The following DNAAF9 variants were observed in gnomAD, a reference collection of about 807,000 sequenced individuals.
DNAAF9 encodes the protein shulin.
A neutral mutation model predicts 167.0 loss-of-function variants in DNAAF9; 90 were observed. The observed-to-expected ratio is 0.54, with a 90% CI of 0.45 to 0.64. DNAAF9 has a LOEUF of 0.64. Among genes scored for constraint, DNAAF9 ranks in the 30% least tolerant of loss-of-function variants. DNAAF9 has a pLI of 0.00. For missense variants in DNAAF9, 1,315 were observed against 1,442.2 expected, an observed-to-expected ratio of 0.91 and a Z score of 1.43; for synonymous variants, 491 against 508.8, an observed-to-expected ratio of 0.96 and a Z score of 0.47.
In DNAAF9 at chr20:3,287,776, C is replaced by A. The variant is rs779904443; in HGVS notation, c.2342G>T (p.Arg781Leu). 6.2e-7 allele frequency: 1 copy of A among 1,614,012 alleles called. No individual in the cohort carries two copies. The highest frequency in any genetic ancestry group is 8.5e-7 in the Non-Finnish European group (1 of 1,179,986). ...ACATTCAGAGCTGTCCATGATTTGG[C>A]GATACACCATCCATCTGGAAAGGTA... ...HKECGRWMVY[R>L]QIMDSSECFH... The change falls in exon 27 of 37, where the codon CGC becomes CTC. Residue 781 changes from arginine to leucine, a missense_variant. Around this residue, in one of 2 missense-constraint regions of DNAAF9, gnomAD observed 981 missense variants for 1,012.5 expected, o/e 0.97. Coordinates refer to ENST00000252032, the MANE Select transcript of DNAAF9 (RefSeq NM_001009984.3).
At chr20:3,339,404 C>A (rs1440484748) in intron 10 of DNAAF9, among the ~76,000 whole-genome samples, 1 of 152,138 alleles carries the variant, frequency 6.6e-6, no homozygotes, top group Non-Finnish European at 1.5e-5. Flanking sequence ...AAGAAACAGA[C>A]TTTTAATGTG....
intron 11 of DNAAF9, among the ~76,000 whole-genome samples, chr20:3,330,923 C>T (rs2069816569): frequency 6.6e-6 from 1 of 151,798 alleles, no homozygotes; most frequent in South Asian, 2.1e-4. Flanking sequence ...TCCTGAGTAG[C>T]TGGGATTACA....
At position 3,281,633 on chromosome 20, in the gene DNAAF9, G is replaced by T. The variant is rs1217600590; in HGVS notation, c.2612+8C>A. The T allele has an allele frequency of 1.9e-6, 3 of 1,603,016 alleles. No individual in the cohort carries two copies. Among genetic ancestry groups the T allele is most frequent in the African/African-American group, 2.7e-5 (2 of 74,426 alleles). Reference sequence around the variant, plus strand: ...TCAGTACACTTACACACCATATCCTGTATCTACCTGTGCTCCATGTAGCAG... The same window carrying T: ...TCAGTACACTTACACACCATATCCTTTATCTACCTGTGCTCCATGTAGCAG... On this transcript the variant is annotated splice_region_variant and intron_variant, in intron 28 of 36. Transcript: ENST00000252032.
At chr20:3,397,230 A>G (rs2123294085) in intron 1 of DNAAF9, among the ~76,000 whole-genome samples, 1 of 149,808 alleles carries the variant, frequency 6.7e-6, no homozygotes, top group Admixed American at 6.7e-5. Flanking sequence ...CTGGGTGACA[A>G]GAGTGAGACC....
chr20:3,371,536 G>A (rs557265165), intron 6 of DNAAF9, among the ~76,000 whole-genome samples: 1 of 151,698 alleles, frequency 6.6e-6, no homozygotes, highest in South Asian at 2.1e-4. Flanking sequence ...GTAGAGACGG[G>A]GTTTCACCGT....
chr20:3,330,525 G>A (rs1007039268), intron 12 of DNAAF9, 121 bp downstream of exon 12: 68 of 679,218 alleles, frequency 1.0e-4, no homozygotes, highest in Middle Eastern at 4.8e-4. Flanking sequence ...TACAGTGTGC[G>A]CCACCACACC....
rs1223721464 is a variant in DNAAF9, at chr20:3,407,643, C to CGGGCGGGGCGGCA, written c.-99_-87dup. 9.0e-7 allele frequency: 1 copy of CGGGCGGGGCGGCA among 1,110,900 alleles called. No individual in the cohort carries two copies. The highest frequency in any genetic ancestry group is 1.7e-5 in the African/African-American group (1 of 58,066). 68.8% of individuals were successfully genotyped at this position (1,110,900 alleles called of 1,614,324 possible). On this transcript the variant is annotated 5_prime_UTR_variant, in exon 1 of 37. Transcript: ENST00000252032. ...AGGGCGGCTCCACGCTAGCTGCGGC[C>CGGGCGGGGCGGCA]GGGCGGGGCGGCAGGGCGTGCCGGG... is the stretch of plus-strand genomic sequence containing the variant.
intron 1 of DNAAF9, among the ~76,000 whole-genome samples, chr20:3,389,443 C>T (rs1184152843): frequency 6.6e-6 from 1 of 151,700 alleles, no homozygotes; most frequent in Non-Finnish European, 1.5e-5. Flanking sequence ...AGTCACTGCA[C>T]CTGGCCAATT....
chr20:3,392,213 G>A (rs2083836573), intron 1 of DNAAF9, among the ~76,000 whole-genome samples: 1 of 152,104 alleles, frequency 6.6e-6, no homozygotes, highest in Non-Finnish European at 1.5e-5. Context: ...ACCATACCCA[G>A]CAATGACACT....
intron 20 of DNAAF9, among the ~76,000 whole-genome samples, chr20:3,311,880 T>C (rs999044962): frequency 1.3e-5 from 2 of 152,162 alleles, no homozygotes; most frequent in African/African-American, 4.8e-5. Flanking sequence ...AATGGGAAGT[T>C]GAAAAGCAAG....
At chr20:3,362,908 T>C (rs1463650950) in intron 6 of DNAAF9, among the ~76,000 whole-genome samples, 1 of 152,158 alleles carries the variant, frequency 6.6e-6, no homozygotes, top group Non-Finnish European at 1.5e-5. Context: ...CCTTGTTTGA[T>C]GGAACACATT....
rs1393679332 is a variant in DNAAF9, at chr20:3,368,687, AT to A, written c.612+5360del. On this transcript the variant is annotated intron_variant, in intron 6 of 36. Transcript: ENST00000252032. The stretch of plus-strand genomic sequence containing the variant: ...GCCACCAAGCCCGGCTAATTTTTGT[AT>A]TTTTTTTTTTAAGTAGAGACAGGGT... 4.5e-3 allele frequency among the ~76,000 whole-genome samples: 646 copies of A among 143,748 alleles called. 3 individuals carry two copies. Among genetic ancestry groups the A allele is most frequent in the African/African-American group, 0.014 (571 of 39,442 alleles). 94.3% of individuals were successfully genotyped at this position (143,748 alleles called of 152,430 possible).
intron 1 of DNAAF9, among the ~76,000 whole-genome samples, chr20:3,387,149 T>C (rs995346791): frequency 1.1e-4 from 17 of 152,198 alleles, no homozygotes; most frequent in Admixed American, 1.1e-3. Context: ...TTTACAGAAG[T>C]AGAAAAATCC....
chr20:3,275,606 G>A (rs185394919), intron 29 of DNAAF9, among the ~76,000 whole-genome samples: 1 of 152,338 alleles, frequency 6.6e-6, no homozygotes, highest in Admixed American at 6.5e-5. Flanking sequence ...GCATTCCTTA[G>A]GCCAGCTATG....
chr20:3,260,166 C>G, intron 31 of DNAAF9, 138 bp from the exon 32 acceptor site: 2 of 498,132 alleles, frequency 4.0e-6, no homozygotes, highest in South Asian at 4.4e-5. Context: ...GGTGAAACCC[C>G]GTCTCTACTA....
At chr20:3,356,564 C>T (rs1192127341) in intron 7 of DNAAF9, among the ~76,000 whole-genome samples, 1 of 152,080 alleles carries the variant, frequency 6.6e-6, no homozygotes, top group Non-Finnish European at 1.5e-5. Context: ...CCTATCATTG[C>T]CCTCTTTTCT....
chr20:3,359,056 A>G (rs1368276146), intron 7 of DNAAF9, among the ~76,000 whole-genome samples: 2 of 152,228 alleles, frequency 1.3e-5, no homozygotes. Context: ...ATTGTTAAGT[A>G]GTTGCCACTG....
At chr20:3,305,033 T>A (rs1488472805) in intron 20 of DNAAF9, among the ~76,000 whole-genome samples, 1 of 151,980 alleles carries the variant, frequency 6.6e-6, no homozygotes, top group African/African-American at 2.4e-5. Context: ...AACAGAACAT[T>A]TGAGTTAGGT....
chr20:3,265,052 G>A (rs1041898814), intron 30 of DNAAF9, among the ~76,000 whole-genome samples: 1 of 152,076 alleles, frequency 6.6e-6, no homozygotes, highest in African/African-American at 2.4e-5. Context: ...ACGATATCAT[G>A]ATCACATCCA....
Sources: allele counts gnomAD v4.1 joint callset (sites outside exome capture counted in the v4.1 genomes callset), GRCh38; gene constraint gnomAD v4.1.1; regional missense constraint gnomAD v4.1.1; transcripts MANE v1.5; gene names NCBI Gene and HGNC (gene_info 2026-07-23, HGNC 2026-07-21).